The following GRIK1 variants were observed in gnomAD, a reference collection of about 807,000 sequenced individuals.
The protein encoded by GRIK1 is glutamate receptor ionotropic, kainate 1.
GRIK1 carries 69 observed loss-of-function variants against 105.7 expected under a neutral mutation model. That is an observed-to-expected ratio of 0.65 (90% CI 0.54 to 0.80). GRIK1 has a LOEUF of 0.80. Among genes scored for constraint, GRIK1 ranks in the 30% least tolerant of loss-of-function variants. The pLI, the probability that GRIK1 is intolerant of heterozygous loss-of-function variation, is 0.00. For missense variants in GRIK1, 1,109 were observed against 1,167.3 expected (o/e 0.95, Z 0.73); for synonymous variants, 438 against 431.3 (o/e 1.02, Z -0.19).
chr21:29,881,068 G>T (rs1366555132), intron 1 of GRIK1, among the ~76,000 whole-genome samples: 1 of 152,096 alleles, frequency 6.6e-6, no homozygotes, highest in Non-Finnish European at 1.5e-5. Flanking sequence ...GCCTAATCCT[G>T]ATTTGTTATT....
At chr21:29,560,586 T>TTCTC (rs1555835580) in intron 15 of GRIK1, among the ~76,000 whole-genome samples, 263 of 123,594 alleles carry the variant, frequency 2.1e-3, no homozygotes, top group Non-Finnish European at 3.5e-3. Flanking sequence ...CTCTCTTTCT[T>TTCTC]TCTTTCTCTC....
At chr21:29,619,743 T>G (rs1285426837) in intron 7 of GRIK1, among the ~76,000 whole-genome samples, 1 of 152,236 alleles carries the variant, frequency 6.6e-6, no homozygotes, top group Admixed American at 6.5e-5. Flanking sequence ...ACTGAACATA[T>G]TTCTTTAATG....
intron 1 of GRIK1, among the ~76,000 whole-genome samples, chr21:29,700,807 A>T (rs959083489): frequency 2.6e-5 from 4 of 152,160 alleles, no homozygotes; most frequent in African/African-American, 9.7e-5. Context: ...GATTAGTGAA[A>T]GTATTAAATT....
intron 1 of GRIK1, among the ~76,000 whole-genome samples, chr21:29,817,175 C>A (rs1472918820): frequency 1.3e-5 from 2 of 152,100 alleles, no homozygotes; most frequent in East Asian, 1.9e-4. Context: ...CTTAAAGCAA[C>A]TCTATCTGGT....
At chr21:29,782,188 G>T (rs997101388) in intron 1 of GRIK1, among the ~76,000 whole-genome samples, 1 of 149,746 alleles carries the variant, frequency 6.7e-6, no homozygotes. Context: ...CCGGGTTCAC[G>T]CCATTCTCCT....
chr21:29,749,630 A>C (rs1007977354), intron 1 of GRIK1, among the ~76,000 whole-genome samples: 3 of 152,194 alleles, frequency 2.0e-5, no homozygotes, highest in Admixed American at 1.3e-4. Context: ...GAGTGCAGAC[A>C]CTTTAATGTG....
chr21:29,569,695 ATTCT>A (rs947584099), intron 14 of GRIK1, among the ~76,000 whole-genome samples: 3 of 152,186 alleles, frequency 2.0e-5, no homozygotes, highest in South Asian at 4.1e-4. Context: ...TATCATGACT[ATTCT>A]TTCTTCATCT....
chr21:29,555,786 T>TATAAACAGAAC (rs1316969497), intron 15 of GRIK1, among the ~76,000 whole-genome samples: 1 of 152,106 alleles, frequency 6.6e-6, no homozygotes, highest in Non-Finnish European at 1.5e-5. Flanking sequence ...GATATCAAAT[T>TATAAACAGAAC]ATAAACAGAA....
At chr21:29,539,203 A>C (rs923830188) in intron 16 of GRIK1, among the ~76,000 whole-genome samples, 4 of 152,194 alleles carry the variant, frequency 2.6e-5, no homozygotes, top group African/African-American at 7.2e-5. Flanking sequence ...TGTTATAGCA[A>C]GTACAGATGC....
chr21:29,857,387 G>A (rs948738192), intron 1 of GRIK1, among the ~76,000 whole-genome samples: 7 of 152,214 alleles, frequency 4.6e-5, no homozygotes, highest in African/African-American at 7.2e-5. Flanking sequence ...GAGAATGCAG[G>A]AGTCAGTTAC....
chr21:29,867,715 A>T (rs138533387), intron 1 of GRIK1, among the ~76,000 whole-genome samples: 3 of 152,014 alleles, frequency 2.0e-5, no homozygotes, highest in East Asian at 1.9e-4. Flanking sequence ...AATCTCTTGA[A>T]CCCGAGAAGC....
intron 1 of GRIK1, among the ~76,000 whole-genome samples, chr21:29,936,333 G>A (rs2146378289): frequency 6.6e-6 from 1 of 152,196 alleles, no homozygotes; most frequent in Middle Eastern, 3.4e-3. Flanking sequence ...TATGCACTTG[G>A]AATATTTTTT....
intron 1 of GRIK1, among the ~76,000 whole-genome samples, chr21:29,796,557 T>C (rs1269639955): frequency 6.6e-6 from 1 of 152,190 alleles, no homozygotes; most frequent in Admixed American, 6.5e-5. Context: ...CACTCAGCAA[T>C]TGATCTGATC....
chr21:29,686,906 A>T (rs191337147), intron 3 of GRIK1, among the ~76,000 whole-genome samples: 4 of 152,254 alleles, frequency 2.6e-5, no homozygotes, highest in Middle Eastern at 6.8e-3. Context: ...GGGTCTAATG[A>T]ATCATGAGGG....
At chr21:29,848,387 A>G (rs2068193621) in intron 1 of GRIK1, among the ~76,000 whole-genome samples, 1 of 151,998 alleles carries the variant, frequency 6.6e-6, no homozygotes, top group Non-Finnish European at 1.5e-5. Context: ...ATGTTTTCCA[A>G]CCTGTGCTTC....
At chr21:29,538,266 C>CT (rs1033344714) in intron 16 of GRIK1, among the ~76,000 whole-genome samples, 1 of 152,084 alleles carries the variant, frequency 6.6e-6, no homozygotes, top group Non-Finnish European at 1.5e-5. Flanking sequence ...AAGTAGTTTT[C>CT]TTTTTGATGA....
intron 3 of GRIK1, among the ~76,000 whole-genome samples, chr21:29,673,454 A>G (rs1601422318): frequency 6.6e-6 from 1 of 152,172 alleles, no homozygotes; most frequent in Non-Finnish European, 1.5e-5. Flanking sequence ...TCTTTAACAA[A>G]TCAAGCCTGC....
intron 1 of GRIK1, among the ~76,000 whole-genome samples, chr21:29,745,738 A>T (rs536332915): frequency 1.3e-5 from 2 of 152,218 alleles, no homozygotes; most frequent in African/African-American, 4.8e-5. Context: ...AAGTGGGTCC[A>T]TGAAACACAA....
In GRIK1 at chr21:29,815,527, A is replaced by G. The variant is rs116225698; in HGVS notation, c.119-121464T>C. Among the ~76,000 whole-genome samples, 812 of 152,278 alleles carry G rather than the reference A, an allele frequency of 5.3e-3. 11 individuals are homozygous for G. Among genetic ancestry groups the G allele is most frequent in the African/African-American group, 0.019 (776 of 41,574 alleles). ...AATTAGTCTAATAACATTATTCGCT[A>G]TTCTGCCTGCAGCATCATTTTTCTT... On this transcript the variant is annotated intron_variant, in intron 1 of 17. Coordinates refer to ENST00000327783, the MANE Select transcript of GRIK1 (RefSeq NM_001330994.2).
Sources: allele counts gnomAD v4.1 joint callset (sites outside exome capture counted in the v4.1 genomes callset), GRCh38; gene constraint gnomAD v4.1.1; transcripts MANE v1.5; gene names NCBI Gene and HGNC (gene_info 2026-07-23, HGNC 2026-07-21).